Variants in DOP1A observed in about 807,000 individuals in gnomAD.
The protein encoded by DOP1A is DOP1 leucine zipper like protein A.
DOP1A carries 90 observed loss-of-function variants against 267.6 expected under a neutral mutation model. The observed-to-expected ratio is 0.34, with a 90% CI of 0.28 to 0.40. The LOEUF is 0.40. Ranked by LOEUF, DOP1A falls within the 10% of genes least tolerant of loss-of-function variation. The probability of loss-of-function intolerance (pLI) is 1.00; values close to 1 mark genes in which losing one functional copy is unlikely to be tolerated. For synonymous variants in DOP1A, 932 were observed against 999.1 expected (o/e 0.93, Z 1.27); for missense variants, 2,437 against 2,900.4 (o/e 0.84, Z 3.67).
At chr6:83,068,123 A>T (rs1240365917) in intron 1 of DOP1A, among the ~76,000 whole-genome samples, 1 of 152,136 alleles carries the variant, frequency 6.6e-6, no homozygotes, top group African/African-American at 2.4e-5. Context: ...AGCGGTGCGC[A>T]AGGCTGGGGC....
chr6:83,099,836 C>A (rs1233185401), intron 3 of DOP1A, among the ~76,000 whole-genome samples: 2 of 151,830 alleles, frequency 1.3e-5, no homozygotes, highest in African/African-American at 2.4e-5. Flanking sequence ...GGCAAAAAAA[C>A]ACAATTACTT....
At chr6:83,127,407 G>A (rs1777362174) in intron 15 of DOP1A, among the ~76,000 whole-genome samples, 2 of 152,140 alleles carry the variant, frequency 1.3e-5, no homozygotes, top group African/African-American at 4.8e-5. Context: ...CTATGATTTT[G>A]CAAAGGCTCT....
At chr6:83,110,950 C>T (rs1261972677) in intron 6 of DOP1A, among the ~76,000 whole-genome samples, 1 of 152,158 alleles carries the variant, frequency 6.6e-6, no homozygotes, top group Non-Finnish European at 1.5e-5. Flanking sequence ...CATATAACCA[C>T]TATTGCAATC....
chr6:83,103,830 G>T (rs115081535), intron 4 of DOP1A, among the ~76,000 whole-genome samples: 29 of 151,990 alleles, frequency 1.9e-4, no homozygotes, highest in Admixed American at 2.6e-4. Context: ...AGTCAATTTC[G>T]TAGCCACTGT....
intron 1 of DOP1A, among the ~76,000 whole-genome samples, chr6:83,088,656 G>A (rs566784075): frequency 1.7e-4 from 26 of 151,748 alleles, no homozygotes; most frequent in African/African-American, 2.4e-4. Context: ...TCCTGACCTC[G>A]TGATCTGCCC....
At chr6:83,166,600 A>T in intron 38 of DOP1A, 1 of 674,408 alleles carries the variant, frequency 1.5e-6, no homozygotes, top group Non-Finnish European at 2.3e-6. Flanking sequence ...TGTATAACAT[A>T]ACCACATTTA....
chr6:83,166,662 G>T, intron 38 of DOP1A: 1 of 1,244,542 alleles, frequency 8.0e-7, no homozygotes, highest in Non-Finnish European at 1.0e-6. Flanking sequence ...TGCAAAAACC[G>T]CAATTACGTT....
At chr6:83,113,115 T>G (rs1010478414) in intron 6 of DOP1A, among the ~76,000 whole-genome samples, 2 of 152,110 alleles carry the variant, frequency 1.3e-5, no homozygotes, top group Admixed American at 6.5e-5. Flanking sequence ...AGAAGTTGGA[T>G]AGTTGGAAGT....
chr6:83,132,382 CA>C, intron 18 of DOP1A, 54 bp downstream of exon 18: 1 of 1,454,650 alleles, frequency 6.9e-7, no homozygotes, highest in East Asian at 2.3e-5. Flanking sequence ...CACACACACA[CA>C]CAAATACTGA....
intron 34 of DOP1A, 71 bp from the exon 35 acceptor site, chr6:83,157,111 G>A: frequency 4.0e-6 from 6 of 1,487,900 alleles, no homozygotes; most frequent in Non-Finnish European, 5.5e-6. Flanking sequence ...GAGAGTACTG[G>A]ACCGACAATA....
At chr6:83,082,901 G>C (rs1768390614) in intron 1 of DOP1A, among the ~76,000 whole-genome samples, 1 of 151,294 alleles carries the variant, frequency 6.6e-6, no homozygotes, top group Non-Finnish European at 1.5e-5. Flanking sequence ...TCTGCCTCCT[G>C]GGTTCAAGCA....
chr6:83,161,603 A>G (rs951562860), intron 37 of DOP1A, among the ~76,000 whole-genome samples: 2 of 152,208 alleles, frequency 1.3e-5, no homozygotes, highest in South Asian at 2.1e-4. Flanking sequence ...GTTTCTAAAC[A>G]TAGGAAAAAC....
intron 24 of DOP1A, 94 bp downstream of exon 24, chr6:83,142,140 G>T: frequency 7.7e-6 from 11 of 1,437,906 alleles, no homozygotes; most frequent in Non-Finnish European, 1.0e-5. Flanking sequence ...GGCCGGGGTA[G>T]ATTCGAGTGT....
chr6:83,099,191 C>A (rs1038279120), intron 3 of DOP1A, among the ~76,000 whole-genome samples: 1 of 152,144 alleles, frequency 6.6e-6, no homozygotes, highest in Non-Finnish European at 1.5e-5. Flanking sequence ...GACACACTCT[C>A]ACTCACAATA....
chr6:83,071,193 T>G (rs1785522950), intron 1 of DOP1A, among the ~76,000 whole-genome samples: 2 of 152,076 alleles, frequency 1.3e-5, no homozygotes, highest in Admixed American at 1.3e-4. Context: ...TCAGAGGAAC[T>G]GAAAGAGAAT....
chr6:83,166,994 T>G, intron 38 of DOP1A: 1 of 985,848 alleles, frequency 1.0e-6, no homozygotes, highest in Non-Finnish European at 1.2e-6. Flanking sequence ...CAACCTGTTC[T>G]CTCTTATCTT....
At chr6:83,140,715 C>G (rs1583076856) in intron 23 of DOP1A, among the ~76,000 whole-genome samples, 2 of 152,290 alleles carry the variant, frequency 1.3e-5, no homozygotes, top group South Asian at 4.1e-4. Context: ...TCCCTAATCC[C>G]AATCAACCAC....
At chr6:83,119,672 T>C in intron 8 of DOP1A, 76 bp from the exon 9 acceptor site, 2 of 1,177,040 alleles carry the variant, frequency 1.7e-6, no homozygotes, top group Admixed American at 1.8e-5. Flanking sequence ...TTCTGAGATT[T>C]TGCTGTTTTG....
At chr6:83,073,085 CT>C in intron 1 of DOP1A, 1 of 228,792 alleles carries the variant, frequency 4.4e-6, no homozygotes, top group Non-Finnish European at 9.1e-6. Context: ...CTTTTTTTTC[CT>C]TTTTCTTTTT....
Sources: gnomAD v4.1 joint callset for allele counts (sites outside exome capture counted in the v4.1 genomes callset) on GRCh38, gnomAD v4.1.1 for gene constraint, MANE v1.5 for transcripts, NCBI Gene and HGNC (gene_info 2026-07-23, HGNC 2026-07-21) for gene names.